The following GEMIN5 variants were observed in gnomAD, a reference collection of about 807,000 sequenced individuals.
GEMIN5 encodes gem nuclear organelle associated protein 5.
A neutral mutation model predicts 176.9 loss-of-function variants in GEMIN5; 124 were observed. The ratio of observed to expected loss-of-function variants is 0.70; its 90% CI spans 0.61 to 0.81. The LOEUF (loss-of-function observed/expected upper bound fraction) is 0.81. GEMIN5 is among the 40% of genes least tolerant of loss of function. The pLI, the probability that GEMIN5 is intolerant of heterozygous loss-of-function variation, is 0.00. For missense variants in GEMIN5, 1,843 were observed against 1,814.6 expected (o/e 1.02, Z -0.28); for synonymous variants, 673 against 665.2 (o/e 1.01, Z -0.18).
rs550827583 is a variant in GEMIN5, at chr5:154,915,407, C to T, written c.1855+1591G>A. Among the ~76,000 whole-genome samples, 7 of 152,308 alleles carry T rather than the reference C, an allele frequency of 4.6e-5. No individual in the cohort carries two copies. In the South Asian group the frequency reaches 1.2e-3, roughly 27 times the overall value. Reference sequence around the variant, plus strand: ...ATTAGGAAAAAAAGTAATCCCACTTCACTCATATTTAAAACTGGCTCTTCT... The same window carrying T: ...ATTAGGAAAAAAAGTAATCCCACTTTACTCATATTTAAAACTGGCTCTTCT... On this transcript the variant is annotated intron_variant, in intron 13 of 27. Coordinates refer to ENST00000285873, the MANE Select transcript of GEMIN5 (RefSeq NM_015465.5).
chr5:154,921,079 T>C (rs758027821), intron 10 of GEMIN5, among the ~76,000 whole-genome samples: 15 of 152,172 alleles, frequency 9.9e-5, no homozygotes, highest in Non-Finnish European at 1.3e-4. Context: ...ATGATAACTA[T>C]ACATACAATG....
In GEMIN5 at chr5:154,907,586, C is replaced by T; in HGVS notation, c.2395+5G>A. The T allele has an allele frequency of 1.2e-6, 2 of 1,608,212 alleles. No individual in the cohort carries two copies. Among genetic ancestry groups the T allele is most frequent in the South Asian group, 2.2e-5 (2 of 90,950 alleles). On this transcript the variant is annotated splice_donor_5th_base_variant and intron_variant, in intron 16 of 27. Transcript: ENST00000285873. ...CCTAGTGATACACAGGATTCTGCCA[C>T]ATACCCGCTGGAGCAAGGCCACAGG...
intron 19 of GEMIN5, 72 bp from the exon 20 acceptor site, chr5:154,902,748 G>T: frequency 6.7e-7 from 1 of 1,491,382 alleles, no homozygotes; most frequent in Non-Finnish European, 9.2e-7. Context: ...GAAAAGAAAG[G>T]CAAGATAGAA....
chr5:154,917,323 C>T (rs572517210), intron 12 of GEMIN5, 144 bp from the exon 13 acceptor site: 46 of 421,492 alleles, frequency 1.1e-4, no homozygotes, highest in African/African-American at 9.3e-4. Flanking sequence ...AGGTCATTCT[C>T]TCATAAAAAA....
intron 18 of GEMIN5, 128 bp downstream of exon 18, chr5:154,904,379 T>C: frequency 1.2e-6 from 1 of 807,064 alleles, no homozygotes; most frequent in Non-Finnish European, 2.0e-6. Context: ...AAGGGAGAGC[T>C]GGAGAACATA....
chr5:154,938,010 C>T lies in GEMIN5; in HGVS notation c.124G>A (p.Gly42Ser). 1 of 1,569,936 alleles carries T rather than the reference C, an allele frequency of 6.4e-7. No individual in the cohort carries two copies. The highest frequency in any genetic ancestry group is 8.6e-7 in the Non-Finnish European group (1 of 1,160,838). The change falls in exon 1 of 28, where the codon GGC (glycine) becomes AGC (serine). Residue 42 changes from glycine to serine, a missense_variant. Gly to Ser is a moderately conservative substitution (Grantham distance 56, BLOSUM62 0). Transcript: ENST00000285873. ...ARTSVFLVRV[G>S]PGAGESPGTP... Reference sequence around the variant, plus strand: ...CCTGGACTCTCGCCTGCGCCCGGGCCCACGCGGACAAGGAAGACGGAGGTC... The same window carrying T: ...CCTGGACTCTCGCCTGCGCCCGGGCTCACGCGGACAAGGAAGACGGAGGTC...
In GEMIN5 at chr5:154,888,182, TG is replaced by T; in HGVS notation, c.*27del. ...TGAAAGATGTCAAACATTTTCAATT[TG>T]GCAGTTTCTTCAAGGTGTGTGAAAA... On this transcript the variant is annotated 3_prime_UTR_variant, in exon 28 of 28. Transcript: ENST00000285873. 6.2e-7 allele frequency: 1 copy of T among 1,607,220 alleles called. No homozygotes were observed. Among genetic ancestry groups the T allele is most frequent in the Non-Finnish European group, 8.5e-7 (1 of 1,173,944 alleles).
Position 154,896,092 on chromosome 5 carries a change from C to G in GEMIN5, c.3597G>C (p.Gln1199His). ...TCAAATGCTGGTACAGATGGCTTAC[C>G]TGTTTGGCAGGTGTGTTATTTGTAG... ...PSATNNTPAK[Q>H]LLLHICHDLT... Residue 1199 changes from glutamine to histidine, a missense_variant and splice_region_variant, in exon 24 of 28, where the codon CAG becomes CAC. Coordinates refer to ENST00000285873, the MANE Select transcript of GEMIN5 (RefSeq NM_015465.5). 1 of 1,612,808 alleles carries G rather than the reference C, an allele frequency of 6.2e-7. No individual in the cohort carries two copies. The highest frequency in any genetic ancestry group is 8.5e-7 in the Non-Finnish European group (1 of 1,179,616).
intron 23 of GEMIN5, 115 bp downstream of exon 23, chr5:154,898,325 C>G (rs1582652839): frequency 1.2e-6 from 1 of 868,220 alleles, no homozygotes; most frequent in African/African-American, 1.7e-5. Context: ...CCAGGGCTTG[C>G]TGGGCCTGCC....
chr5:154,896,417 T>A, intron 23 of GEMIN5, 74 bp from the exon 24 acceptor site: 1 of 1,422,030 alleles, frequency 7.0e-7, no homozygotes, highest in South Asian at 1.6e-5. Flanking sequence ...CTCTCCCGTG[T>A]CCTTCAAAGT....
chr5:154,936,201 G>A (rs935267662), intron 2 of GEMIN5, among the ~76,000 whole-genome samples, 179 bp from the exon 3 acceptor site: 3 of 152,034 alleles, frequency 2.0e-5, no homozygotes, highest in Non-Finnish European at 4.4e-5. Context: ...TGGATCACCA[G>A]GTAAGGAGAT....
chr5:154,909,377 T>G (rs1763644523), intron 15 of GEMIN5, among the ~76,000 whole-genome samples: 2 of 152,004 alleles, frequency 1.3e-5, no homozygotes, highest in African/African-American at 4.8e-5. Context: ...TTCTCCCCAT[T>G]TATTTATTAT....
At chr5:154,895,984 T>C in intron 24 of GEMIN5, 108 bp downstream of exon 24, 1 of 1,339,292 alleles carries the variant, frequency 7.5e-7, no homozygotes, top group Non-Finnish European at 1.0e-6. Context: ...CTTAGCCTTT[T>C]CTGAAACACA....
At chr5:154,934,852 T>G (rs557465555) in intron 3 of GEMIN5, among the ~76,000 whole-genome samples, 2 of 152,348 alleles carry the variant, frequency 1.3e-5, no homozygotes, top group South Asian at 4.1e-4. Context: ...TCATACCTTC[T>G]TTGCATATCC....
chr5:154,927,579 CT>C, intron 6 of GEMIN5, 29 bp from the exon 7 acceptor site: 1 of 1,518,220 alleles, frequency 6.6e-7, no homozygotes, highest in East Asian at 2.3e-5. Context: ...AGCATTAGTT[CT>C]TTTACAAACG....
intron 6 of GEMIN5, 83 bp downstream of exon 6, chr5:154,928,444 A>G (rs1582674733): frequency 6.4e-6 from 8 of 1,254,718 alleles, no homozygotes; most frequent in East Asian, 2.3e-5. Flanking sequence ...AGCCTTGGCC[A>G]TTACTTTCTC....
chr5:154,912,115 C>T (rs562701652), intron 14 of GEMIN5, among the ~76,000 whole-genome samples: 9 of 152,238 alleles, frequency 5.9e-5, no homozygotes, highest in African/African-American at 1.4e-4. Flanking sequence ...GACATTTCTA[C>T]GGGGATGATT....
At chr5:154,935,526 A>G (rs1478643124) in intron 3 of GEMIN5, among the ~76,000 whole-genome samples, 2 of 152,196 alleles carry the variant, frequency 1.3e-5, no homozygotes, top group Non-Finnish European at 2.9e-5. Flanking sequence ...GACACCTGGG[A>G]GTTCATGTTG....
intron 6 of GEMIN5, 128 bp from the exon 7 acceptor site, chr5:154,927,678 T>C: frequency 3.1e-6 from 2 of 641,598 alleles, no homozygotes; most frequent in South Asian, 4.6e-5. Context: ...AAATTGCATA[T>C]GCTGAAAATA....
Sources: gnomAD v4.1 joint callset for allele counts (sites outside exome capture counted in the v4.1 genomes callset) on GRCh38, gnomAD v4.1.1 for gene constraint, MANE v1.5 for transcripts, NCBI Gene and HGNC (gene_info 2026-07-23, HGNC 2026-07-21) for gene names.